Variants in WASHC4 observed in about 807,000 individuals in gnomAD.
WASHC4 encodes the protein WASH complex subunit 4.
In WASHC4, 86 loss-of-function variants were observed where a neutral mutation model predicts 166.6. The ratio of observed to expected loss-of-function variants is 0.52; its 90% CI spans 0.43 to 0.62. WASHC4 has a LOEUF of 0.62. Ranked by LOEUF, WASHC4 falls within the 20% of genes least tolerant of loss-of-function variation. The pLI, the probability that WASHC4 is intolerant of heterozygous loss-of-function variation, is 0.00. For synonymous variants in WASHC4, 446 were observed against 451.6 expected, an observed-to-expected ratio of 0.99 and a Z score of 0.16; for missense variants, 1,262 against 1,382.4, an observed-to-expected ratio of 0.91 and a Z score of 1.38.
Position 105,157,231 on chromosome 12 carries a change from T to C in WASHC4, c.2826-5T>C, listed in dbSNP as rs750822981. On this transcript the variant is annotated splice_region_variant and splice_polypyrimidine_tract_variant and intron_variant, in intron 27 of 32. Coordinates refer to ENST00000332180, the MANE Select transcript of WASHC4 (RefSeq NM_015275.3). ...TAATAAATGCCTTCCCAAATTCTTA[T>C]GTAGATTTGTTCCTGATCTTGAAGA... 1.6e-5 allele frequency: 23 copies of C among 1,419,832 alleles called. No individual in the cohort carries two copies. Among genetic ancestry groups the C allele is most frequent in the Middle Eastern group, 1.8e-4 (1 of 5,690 alleles). 88.0% of individuals were successfully genotyped at this position (1,419,832 alleles called of 1,614,324 possible). A position where few individuals can be genotyped will look rare whatever the true frequency, so the allele number is the denominator to read the frequency against.
intron 2 of WASHC4, among the ~76,000 whole-genome samples, chr12:105,112,977 T>C (rs1879831622): frequency 6.6e-6 from 1 of 152,232 alleles, no homozygotes; most frequent in East Asian, 1.9e-4. Context: ...TCACAAATAC[T>C]TTATATATTT....
rs1879218632 is a variant in WASHC4, at chr12:105,107,806, G to A, written c.6G>A (p.Ala2=). 9.0e-6 allele frequency: 14 copies of A among 1,550,572 alleles called. No individual in the cohort carries two copies. Among genetic ancestry groups the A allele is most frequent in the African/African-American group, 1.4e-5 (1 of 73,016 alleles). The change falls in exon 1 of 33, where the codon GCG becomes GCA. Residue 2 remains alanine (A), a synonymous_variant. Transcript: ENST00000332180. The stretch of plus-strand genomic sequence containing the variant: ...CTGTGGGAGGCGCCGGGGTGATGGC[G>A]GTGGAGACTCTGTCCCCGGACTGGG... M[A]VETLSPDWEF...
At chr12:105,139,425 G>GTATATATATA (rs71069791) in intron 15 of WASHC4, among the ~76,000 whole-genome samples, 8,878 of 102,124 alleles carry the variant, frequency 0.087, 638 homozygotes, top group East Asian at 0.12. Flanking sequence ...ATGTGTGTGT[G>GTATATATATA]TATATATATA....
chr12:105,155,595 C>A (rs1218820733), intron 26 of WASHC4, among the ~76,000 whole-genome samples: 1 of 152,106 alleles, frequency 6.6e-6, no homozygotes, highest in Non-Finnish European at 1.5e-5. Flanking sequence ...AATCCCAGCA[C>A]TTTGGGAGGC....
intron 24 of WASHC4, chr12:105,147,576 A>C: frequency 9.9e-7 from 1 of 1,012,896 alleles, no homozygotes; most frequent in Non-Finnish European, 1.2e-6. Context: ...CCATATAAAT[A>C]GGAACTTACT....
rs768318313 is a variant in WASHC4, at chr12:105,111,170, A to G, written c.107A>G (p.Glu36Gly). The G allele has an allele frequency of 6.2e-7, 1 of 1,607,018 alleles. No homozygotes were observed. The highest frequency in any genetic ancestry group is 8.5e-7 in the Non-Finnish European group (1 of 1,173,992). Residue 36 changes from glutamate to glycine, a missense_variant, in exon 2 of 33, where the codon GAG becomes GGG. Transcript: ENST00000332180. ...VQLKNYGKFL[E>G]EYTSQLRRIE... Reference sequence around the variant, plus strand: ...CTTAAGAATTATGGGAAATTTCTTGAGGAGTATACCTCTCAACTGAGAAGA... The same window carrying G: ...CTTAAGAATTATGGGAAATTTCTTGGGGAGTATACCTCTCAACTGAGAAGA...
At chr12:105,123,973 G>A (rs1380097718) in intron 10 of WASHC4, among the ~76,000 whole-genome samples, 1 of 152,158 alleles carries the variant, frequency 6.6e-6, no homozygotes, top group Non-Finnish European at 1.5e-5. Context: ...ATTGAGGCAA[G>A]ACCCTTGGCC....
intron 31 of WASHC4, 77 bp downstream of exon 31, chr12:105,164,384 G>A (rs201534659): frequency 2.3e-6 from 3 of 1,288,084 alleles, no homozygotes; most frequent in Non-Finnish European, 1.1e-6. Flanking sequence ...CTGAAAAGCA[G>A]AAGCCATATA....
chr12:105,144,016 T>C (rs1883087382), intron 20 of WASHC4, among the ~76,000 whole-genome samples: 1 of 151,956 alleles, frequency 6.6e-6, no homozygotes, highest in Non-Finnish European at 1.5e-5. Context: ...CCTGTTCTCA[T>C]GCCCTTTCCT....
intron 3 of WASHC4, 32 bp from the exon 4 acceptor site, chr12:105,114,330 A>G (rs1221297517): frequency 1.3e-6 from 2 of 1,595,458 alleles, no homozygotes; most frequent in Non-Finnish European, 8.6e-7. Context: ...GTAACAATTT[A>G]CTTTTTATTT....
chr12:105,161,701 A>AC (rs1246075763), intron 29 of WASHC4, among the ~76,000 whole-genome samples: 22 of 152,386 alleles, frequency 1.4e-4, no homozygotes, highest in Middle Eastern at 3.4e-3. Flanking sequence ...TTAATGATTG[A>AC]TAAAAAATTC....
intron 5 of WASHC4, 117 bp from the exon 6 acceptor site, chr12:105,115,544 A>C: frequency 1.3e-6 from 1 of 748,546 alleles, no homozygotes; most frequent in Non-Finnish European, 2.4e-6. Context: ...TCTGTTTTCA[A>C]TACTATGCAG....
At chr12:105,115,573 G>T (rs1046477724) in intron 5 of WASHC4, 88 bp from the exon 6 acceptor site, 239 of 782,024 alleles carry the variant, frequency 3.1e-4, no homozygotes, top group Non-Finnish European at 4.0e-4. Flanking sequence ...ATGTCCTAAT[G>T]AAAAAAAAAA....
chr12:105,147,217 A>G, intron 24 of WASHC4, 71 bp downstream of exon 24: 2 of 894,588 alleles, frequency 2.2e-6, no homozygotes, highest in East Asian at 2.4e-5. Flanking sequence ...GTTTTCTCAT[A>G]GAATATTGCG....
chr12:105,152,570 C>T (rs1883852918), intron 26 of WASHC4, 119 bp downstream of exon 26: 1 of 699,056 alleles, frequency 1.4e-6, no homozygotes, highest in Admixed American at 2.3e-5. Context: ...CTTTACTCCA[C>T]TCATGTAATT....
At chr12:105,138,035 C>T (rs202213025) in intron 15 of WASHC4, 24 bp downstream of exon 15, 22 of 1,603,506 alleles carry the variant, frequency 1.4e-5, no homozygotes, top group East Asian at 6.7e-5. Context: ...TATTTTACTG[C>T]TCCATCATAA....
intron 14 of WASHC4, 65 bp from the exon 15 acceptor site, chr12:105,137,821 A>G: frequency 2.2e-6 from 3 of 1,385,932 alleles, no homozygotes; most frequent in Non-Finnish European, 3.1e-6. Flanking sequence ...AGCTGCTGTT[A>G]AATAGATAAT....
chr12:105,119,356 A>G (rs1847891648), intron 7 of WASHC4, among the ~76,000 whole-genome samples: 1 of 152,172 alleles, frequency 6.6e-6, no homozygotes, highest in Non-Finnish European at 1.5e-5. Flanking sequence ...TTACAATCTA[A>G]TTAATACATT....
chr12:105,143,354 C>T, intron 20 of WASHC4, 111 bp downstream of exon 20: 1 of 671,966 alleles, frequency 1.5e-6, no homozygotes, highest in South Asian at 1.6e-5. Flanking sequence ...TTATAAATTG[C>T]TGGGTAGAAC....
Sources: allele counts gnomAD v4.1 joint callset (sites outside exome capture counted in the v4.1 genomes callset), GRCh38; gene constraint gnomAD v4.1.1; transcripts MANE v1.5; gene names NCBI Gene and HGNC (gene_info 2026-07-23, HGNC 2026-07-21).